The following SPATA7 variants were observed in gnomAD, a reference collection of about 807,000 sequenced individuals.
The protein encoded by SPATA7 is spermatogenesis associated 7, also known as spermatogenesis-associated protein 7.
A neutral mutation model predicts 51.8 loss-of-function variants in SPATA7; 43 were observed. The ratio of observed to expected loss-of-function variants is 0.83; its 90% CI spans 0.65 to 1.07. The LOEUF (loss-of-function observed/expected upper bound fraction) is 1.07. SPATA7 is among the 50% of genes least tolerant of loss of function. SPATA7 has a pLI of 0.00. For synonymous variants in SPATA7, 230 were observed against 252.8 expected (o/e 0.91, Z 0.86); for missense variants, 683 against 701.3 (o/e 0.97, Z 0.30).
chr14:88,462,378 G>C (rs1317839424), intron 4 of SPATA7, among the ~76,000 whole-genome samples: 1 of 152,220 alleles, frequency 6.6e-6, no homozygotes, highest in Non-Finnish European at 1.5e-5. Flanking sequence ...ATTGAGGCCT[G>C]ACAGACTCAT....
chr14:88,413,809 T>C (rs780407278), intron 4 of SPATA7, among the ~76,000 whole-genome samples: 2 of 152,082 alleles, frequency 1.3e-5, no homozygotes, highest in African/African-American at 2.4e-5. Context: ...GTTGAGATGA[T>C]CATAAGGTTT....
intron 5 of SPATA7, among the ~76,000 whole-genome samples, chr14:88,426,011 A>G (rs564886960): frequency 2.6e-5 from 4 of 152,224 alleles, no homozygotes; most frequent in Admixed American, 1.3e-4. Flanking sequence ...TTCGTTTCAG[A>G]AAGGAAATTG....
Position 88,397,658 on chromosome 14 carries a change from A to T in SPATA7, c.238+1455A>T, listed in dbSNP as rs1414433326. On this transcript the variant is annotated intron_variant, in intron 4 of 11. Transcript: ENST00000393545. ...GCTGTCTCAAGAAAAAAAAAAAAAA[A>T]GGAAAAAGAAAACCCATAATGTTGA... Among the ~76,000 whole-genome samples, 5 of 150,936 alleles carry T rather than the reference A, an allele frequency of 3.3e-5. No homozygotes were observed. In the East Asian group the frequency reaches 5.8e-4, roughly 18 times the overall value.
intron 1 of SPATA7, chr14:88,386,038 T>G: frequency 6.9e-7 from 1 of 1,441,842 alleles, no homozygotes; most frequent in Non-Finnish European, 9.1e-7. Flanking sequence ...GCAGGTCCGC[T>G]TCTTTGCCCT....
At chr14:88,438,495 A>G (rs2077154160), downstream of SPATA7, 1 of 1,184,694 alleles carries the variant, frequency 8.4e-7, no homozygotes, top group African/African-American at 1.5e-5. Context: ...ATGTATGTAT[A>G]AGATTTCTCT....
chr14:88,434,420 C>T (rs1471610069), intron 10 of SPATA7, among the ~76,000 whole-genome samples: 1 of 152,144 alleles, frequency 6.6e-6, no homozygotes, highest in East Asian at 1.9e-4. Context: ...GGCGCAGTGG[C>T]TCACACCAGT....
At chr14:88,434,656 A>G (rs1380805569) in intron 10 of SPATA7, among the ~76,000 whole-genome samples, 1 of 151,042 alleles carries the variant, frequency 6.6e-6, no homozygotes, top group Admixed American at 6.6e-5. Context: ...ACCGCACTCC[A>G]TCTTGGGCGA....
At chr14:88,430,168 A>T (rs551468284) in intron 8 of SPATA7, among the ~76,000 whole-genome samples, 1 of 152,026 alleles carries the variant, frequency 6.6e-6, no homozygotes, top group African/African-American at 2.4e-5. Context: ...AGGAGTAGAG[A>T]TTAAAAAGAG....
intron 4 of SPATA7, among the ~76,000 whole-genome samples, chr14:88,462,361 T>TA (rs1362757580): frequency 6.6e-6 from 1 of 152,194 alleles, no homozygotes; most frequent in African/African-American, 2.4e-5. Flanking sequence ...ATCAACCTAC[T>TA]AAAAAAATTG....
intron 3 of SPATA7, among the ~76,000 whole-genome samples, chr14:88,451,555 CTT>C (rs1386656492): frequency 6.8e-6 from 1 of 146,630 alleles, no homozygotes; most frequent in African/African-American, 2.5e-5. Flanking sequence ...GAAAAGGAGT[CTT>C]GCTCTGTCAC....
At chr14:88,463,306 A>ATCCC (rs1418339375) in intron 4 of SPATA7, among the ~76,000 whole-genome samples, 3 of 152,152 alleles carry the variant, frequency 2.0e-5, no homozygotes, top group African/African-American at 7.2e-5. Context: ...CATTAGCAAG[A>ATCCC]TCCCTGCTCA....
intron 4 of SPATA7, chr14:88,466,503 A>C (rs1490679802): frequency 6.6e-6 from 1 of 152,190 alleles, no homozygotes; most frequent in Admixed American, 6.5e-5. Flanking sequence ...TGATGCCTAG[A>C]ATAGTGTAAT....
chr14:88,460,646 G>A (rs180998400), intron 4 of SPATA7, among the ~76,000 whole-genome samples: 3 of 152,146 alleles, frequency 2.0e-5, no homozygotes, highest in African/African-American at 2.4e-5. Context: ...TCTTTGCAGT[G>A]GGTTCAAACT....
At position 88,426,309 on chromosome 14, in the gene SPATA7, A is replaced by G; in HGVS notation, c.450A>G (p.Leu150=). ...MNGFSSFARS[L]VPSSERLHLS... is the part of the protein sequence containing the mutation. ...GATTTTCATCCTTTGCAAGGTCACTAGTACCCTCTTCAGAGAGACTACACC... is the reference window on the plus strand; with the variant it reads ...GATTTTCATCCTTTGCAAGGTCACTGGTACCCTCTTCAGAGAGACTACACC... Residue 150 remains leucine, a synonymous_variant, in exon 6 of 12, where the codon CTA becomes CTG. Coordinates refer to ENST00000393545, the MANE Select transcript of SPATA7 (RefSeq NM_018418.5). 6.2e-7 allele frequency: 1 copy of G among 1,614,092 alleles called. No homozygotes were observed.
intron 3 of SPATA7, among the ~76,000 whole-genome samples, chr14:88,446,380 G>C (rs1044524960): frequency 3.3e-5 from 5 of 151,348 alleles, no homozygotes; most frequent in Admixed American, 2.0e-4. Context: ...CTCTTTTTTT[G>C]TTTATTAGTC....
At chr14:88,460,104 G>T (rs1047855957), downstream of SPATA7, among the ~76,000 whole-genome samples, 1 of 152,156 alleles carries the variant, frequency 6.6e-6, no homozygotes, top group African/African-American at 2.4e-5. Flanking sequence ...TCTTCCCTTT[G>T]TGGGTAACCC....
intron 4 of SPATA7, among the ~76,000 whole-genome samples, chr14:88,411,747 A>G (rs1173234975): frequency 1.3e-5 from 2 of 151,990 alleles, no homozygotes; most frequent in Non-Finnish European, 1.5e-5. Flanking sequence ...TTCTTTATCC[A>G]ATTCACCATT....
Position 88,385,687 on chromosome 14 carries a change from A to C in SPATA7, c.-132A>C. 1.1e-6 allele frequency: 1 copy of C among 889,120 alleles called. No individual in the cohort carries two copies. 55.1% of individuals were successfully genotyped at this position (889,120 alleles called of 1,614,324 possible). On this transcript the variant is annotated 5_prime_UTR_variant, in exon 1 of 12. Coordinates refer to ENST00000393545, the MANE Select transcript of SPATA7 (RefSeq NM_018418.5). ...ACCCAGCCCTTAGCAACGGCCTGGC[A>C]ACGGTTTCCCTGCTGCTGCAGCCCC...
chr14:88,444,092 T>A (rs911061591), intron 3 of SPATA7, among the ~76,000 whole-genome samples: 2 of 151,956 alleles, frequency 1.3e-5, no homozygotes. Context: ...TAGTTTACAG[T>A]CCCACCAACA....
Sources: allele counts gnomAD v4.1 joint callset (sites outside exome capture counted in the v4.1 genomes callset), GRCh38; gene constraint gnomAD v4.1.1; transcripts MANE v1.5; gene names NCBI Gene and HGNC (gene_info 2026-07-23, HGNC 2026-07-21).